The following HHAT variants were observed in gnomAD, a reference collection of about 807,000 sequenced individuals.
HHAT encodes hedgehog acyltransferase.
A neutral mutation model predicts 70.8 loss-of-function variants in HHAT; 47 were observed. The ratio of observed to expected loss-of-function variants is 0.66; its 90% CI spans 0.53 to 0.85. The LOEUF is 0.85. Ranked by LOEUF, HHAT falls within the 40% of genes least tolerant of loss-of-function variation. HHAT has a pLI of 0.00. For missense variants in HHAT, 609 were observed against 604.8 expected, an observed-to-expected ratio of 1.01 and a Z score of -0.07; for synonymous variants, 228 against 247.6, an observed-to-expected ratio of 0.92 and a Z score of 0.74.
chr1:210,386,236 T>C lies in HHAT; in HGVS notation c.160-1232T>C, dbSNP rs1309480374. Among the ~76,000 whole-genome samples the C allele has an allele frequency of 9.1e-4, 69 of 75,504 alleles. 6 individuals carry two copies. The highest frequency in any genetic ancestry group is 3.6e-3 in the Admixed American group (23 of 6,444). 49.5% of individuals were successfully genotyped at this position (75,504 alleles called of 152,430 possible). On this transcript the variant is annotated intron_variant, in intron 3 of 11. Coordinates refer to ENST00000261458, the MANE Select transcript of HHAT (RefSeq NM_018194.6). ...GGAGTCCTTTTCTTTTTTTCTTTTT[T>C]TTTTTTTTTTTTTTTTTTTTGAGAC...
At chr1:210,653,734 G>C (rs1675680969) in intron 11 of HHAT, among the ~76,000 whole-genome samples, 2 of 152,034 alleles carry the variant, frequency 1.3e-5, no homozygotes, top group South Asian at 4.1e-4. Context: ...GCATTATCTG[G>C]TCAAAAAGAG....
chr1:210,428,036 C>G (rs925173424), intron 7 of HHAT, among the ~76,000 whole-genome samples: 4 of 151,842 alleles, frequency 2.6e-5, no homozygotes, highest in East Asian at 1.9e-4. Flanking sequence ...AATCCTTTAC[C>G]ATAATGTAAT....
chr1:210,415,319 G>A (rs952104455), intron 6 of HHAT, among the ~76,000 whole-genome samples: 1 of 152,162 alleles, frequency 6.6e-6, no homozygotes, highest in Non-Finnish European at 1.5e-5. Flanking sequence ...CAGATCTGCT[G>A]CCATAGACTT....
intron 7 of HHAT, among the ~76,000 whole-genome samples, chr1:210,440,335 G>A (rs2093476334): frequency 6.6e-6 from 1 of 151,702 alleles, no homozygotes; most frequent in Non-Finnish European, 1.5e-5. Context: ...CAGTCTTCAT[G>A]GAAGCTCCAG....
At chr1:210,591,013 A>G (rs950409744) in intron 10 of HHAT, among the ~76,000 whole-genome samples, 5 of 152,134 alleles carry the variant, frequency 3.3e-5, no homozygotes, top group African/African-American at 1.2e-4. Context: ...TAATTATCAC[A>G]TGGGGGTAAA....
chr1:210,346,072 A>G (rs1341576563), intron 1 of HHAT, among the ~76,000 whole-genome samples: 1 of 65,250 alleles, frequency 1.5e-5, no homozygotes, highest in African/African-American at 9.0e-5. Context: ...TCCAGGAAGA[A>G]AAAAAAAAAA....
intron 9 of HHAT, among the ~76,000 whole-genome samples, chr1:210,586,158 A>G (rs1660399714): frequency 1.3e-5 from 2 of 152,124 alleles, no homozygotes; most frequent in Admixed American, 6.5e-5. Context: ...CAGTTGTTCT[A>G]TTAAGCCAGG....
At chr1:210,631,095 A>T (rs1320846570) in intron 11 of HHAT, 2 of 456,674 alleles carry the variant, frequency 4.4e-6, no homozygotes, top group Non-Finnish European at 8.8e-6. Context: ...GGTACTGGCT[A>T]CCTTTGTTCC....
At chr1:210,340,253 A>AG (rs2085915185) in intron 1 of HHAT, among the ~76,000 whole-genome samples, 1 of 149,894 alleles carries the variant, frequency 6.7e-6, no homozygotes, top group Non-Finnish European at 1.5e-5. Flanking sequence ...AAAAAAAAAA[A>AG]AAAAAAAAAA....
At chr1:210,332,561 A>C (rs933208004) in intron 1 of HHAT, among the ~76,000 whole-genome samples, 19 of 152,282 alleles carry the variant, frequency 1.2e-4, no homozygotes, top group Non-Finnish European at 1.9e-4. Context: ...ACGGTTAGCC[A>C]CTAAGAATGA....
chr1:210,669,392 GTTA>G (rs71698029), intron 11 of HHAT, among the ~76,000 whole-genome samples: 52,115 of 151,874 alleles, frequency 0.34, 10,304 homozygotes, highest in South Asian at 0.52. Flanking sequence ...ATTAGCTGTA[GTTA>G]TTATACAGCT....
chr1:210,632,862 G>T (rs1051749529), intron 11 of HHAT, among the ~76,000 whole-genome samples: 5 of 152,282 alleles, frequency 3.3e-5, no homozygotes, highest in African/African-American at 4.8e-5. Context: ...CATGCACAGA[G>T]GAAGATAATG....
chr1:210,676,134 G>C lies in HHAT; in HGVS notation c.*1755G>C, dbSNP rs931289596. 1.3e-5 allele frequency: 2 copies of C among 152,150 alleles called. No individual in the cohort carries two copies. Among genetic ancestry groups the C allele is most frequent in the Admixed American group, 6.5e-5 (1 of 15,280 alleles). The allele number at this position is 152,150 out of a possible 1,614,324, so 9.4% of individuals were successfully genotyped here. On this transcript the variant is annotated 3_prime_UTR_variant, in exon 12 of 12. Transcript: ENST00000261458. ...ATACAAAAGTTTTGAGCTCTTCCAA[G>C]TATACCATTTATATACAAACAAATA...
chr1:210,502,045 G>A (rs2094766884), intron 8 of HHAT, among the ~76,000 whole-genome samples: 1 of 147,886 alleles, frequency 6.8e-6, no homozygotes, highest in Non-Finnish European at 1.5e-5. Flanking sequence ...TTTTTAAGTG[G>A]AATGTTATTA....
At chr1:210,553,634 T>C (rs371804079) in intron 9 of HHAT, among the ~76,000 whole-genome samples, 1 of 152,340 alleles carries the variant, frequency 6.6e-6, no homozygotes, top group East Asian at 1.9e-4. Flanking sequence ...TACTCTTCTC[T>C]GAGGCCAGAG....
At chr1:210,571,604 G>T (rs927960914) in intron 9 of HHAT, among the ~76,000 whole-genome samples, 40 of 152,292 alleles carry the variant, frequency 2.6e-4, no homozygotes, top group Non-Finnish European at 2.6e-4. Context: ...GTAAGGTAAA[G>T]TCAAGCTCAG....
At chr1:210,475,023 T>G (rs1572699394) in intron 8 of HHAT, among the ~76,000 whole-genome samples, 1 of 103,826 alleles carries the variant, frequency 9.6e-6, no homozygotes, top group African/African-American at 4.7e-5. Flanking sequence ...GCTATTTTTT[T>G]TGTTTTTTTT....
intron 11 of HHAT, among the ~76,000 whole-genome samples, chr1:210,658,310 AG>A (rs748646913): frequency 6.6e-6 from 1 of 152,072 alleles, no homozygotes; most frequent in Non-Finnish European, 1.5e-5. Context: ...CCTGCCCCTG[AG>A]GGTGCTCAGA....
intron 4 of HHAT, 61 bp downstream of exon 4, chr1:210,387,642 G>T (rs1012174998): frequency 7.6e-7 from 1 of 1,321,998 alleles, no homozygotes; most frequent in East Asian, 2.4e-5. Context: ...TGTGAAGAAA[G>T]AGTCCAAGCT....
Sources: gnomAD v4.1 joint callset for allele counts (sites outside exome capture counted in the v4.1 genomes callset) on GRCh38, gnomAD v4.1.1 for gene constraint, MANE v1.5 for transcripts, NCBI Gene and HGNC (gene_info 2026-07-23, HGNC 2026-07-21) for gene names.